The following MIPEP variants were observed in gnomAD, a reference collection of about 807,000 sequenced individuals.
The protein encoded by MIPEP is mitochondrial intermediate peptidase.
In MIPEP, 79 loss-of-function variants were observed where a neutral mutation model predicts 90.3. That is an observed-to-expected ratio of 0.87 (90% confidence interval 0.73 to 1.05). The LOEUF is 1.05. Ranked by LOEUF, MIPEP falls within the 50% of genes least tolerant of loss-of-function variation. The pLI is 0.00. For synonymous variants in MIPEP, 334 were observed against 315.8 expected, an observed-to-expected ratio of 1.06 and a Z score of -0.61; for missense variants, 940 against 905.6, an observed-to-expected ratio of 1.04 and a Z score of -0.49.
intron 18 of MIPEP, among the ~76,000 whole-genome samples, chr13:23,745,639 A>G (rs1379628289): frequency 1.3e-5 from 2 of 152,138 alleles, no homozygotes; most frequent in African/African-American, 4.8e-5. Flanking sequence ...TTAAGAATCT[A>G]GATCCAGACC....
chr13:23,811,021 C>T (rs556468630), intron 14 of MIPEP, among the ~76,000 whole-genome samples: 4 of 152,192 alleles, frequency 2.6e-5, no homozygotes, highest in Non-Finnish European at 5.9e-5. Context: ...AATTCTGGTA[C>T]AGGTCACAGG....
At chr13:23,742,736 A>C (rs1001451789) in intron 18 of MIPEP, among the ~76,000 whole-genome samples, 1 of 152,212 alleles carries the variant, frequency 6.6e-6, no homozygotes, top group African/African-American at 2.4e-5. Flanking sequence ...ACTTTTTGCC[A>C]TCTGCTTATT....
At chr13:23,837,519 C>T (rs1397978046) in intron 13 of MIPEP, 33 bp downstream of exon 13, 2 of 1,475,440 alleles carry the variant, frequency 1.4e-6, no homozygotes, top group Admixed American at 3.4e-5. Flanking sequence ...TTGTAAAGGA[C>T]TGTAGTAAAT....
chr13:23,826,823 C>A (rs576899272), intron 14 of MIPEP, among the ~76,000 whole-genome samples: 1 of 152,244 alleles, frequency 6.6e-6, no homozygotes, highest in African/African-American at 2.4e-5. Context: ...ACAAAGTTTG[C>A]ATTGGTTCTT....
chr13:23,815,430 C>T (rs866817837), intron 14 of MIPEP, among the ~76,000 whole-genome samples: 21 of 152,058 alleles, frequency 1.4e-4, no homozygotes, highest in African/African-American at 4.6e-4. Context: ...ATACCTCCCA[C>T]CTCAGCTTCC....
chr13:23,739,888 T>C (rs1193126255), intron 18 of MIPEP, among the ~76,000 whole-genome samples: 1 of 152,266 alleles, frequency 6.6e-6, no homozygotes, highest in Non-Finnish European at 1.5e-5. Flanking sequence ...ACATGATTTC[T>C]GTTCTGAGGA....
chr13:23,788,617 A>T (rs1593155033), intron 16 of MIPEP, among the ~76,000 whole-genome samples: 2 of 152,354 alleles, frequency 1.3e-5, no homozygotes, highest in South Asian at 4.1e-4. Flanking sequence ...CAATTCTACC[A>T]TGGGGCAGAG....
intron 2 of MIPEP, among the ~76,000 whole-genome samples, chr13:23,884,308 G>A (rs894607366): frequency 6.6e-6 from 1 of 152,118 alleles, no homozygotes; most frequent in Non-Finnish European, 1.5e-5. Flanking sequence ...AAATTTATAC[G>A]AGTTAAAATT....
At chr13:23,738,549 A>C (rs1400760714) in intron 18 of MIPEP, among the ~76,000 whole-genome samples, 1 of 151,138 alleles carries the variant, frequency 6.6e-6, no homozygotes. Context: ...TTCTGGGCTC[A>C]AGTGATCCTT....
chr13:23,783,724 CCTT>C (rs1952807055), intron 16 of MIPEP, among the ~76,000 whole-genome samples: 1 of 152,176 alleles, frequency 6.6e-6, no homozygotes, highest in African/African-American at 2.4e-5. Context: ...TCCAAAATCT[CCTT>C]AAGCTGATAA....
At chr13:23,826,311 C>T (rs1414822820) in intron 14 of MIPEP, among the ~76,000 whole-genome samples, 1 of 152,022 alleles carries the variant, frequency 6.6e-6, no homozygotes, top group Non-Finnish European at 1.5e-5. Flanking sequence ...CTAAACAATA[C>T]AATTAAAAGG....
chr13:23,799,106 C>T (rs1165725184), intron 16 of MIPEP, among the ~76,000 whole-genome samples: 2 of 136,106 alleles, frequency 1.5e-5, no homozygotes, highest in Non-Finnish European at 3.0e-5. Flanking sequence ...CAGGTTCAAA[C>T]GATTCTCCTG....
intron 17 of MIPEP, chr13:23,756,904 A>T (rs1952495814): frequency 2.6e-6 from 1 of 388,342 alleles, no homozygotes; most frequent in African/African-American, 2.1e-5. Context: ...TAACTTATGT[A>T]TTATACAATA....
intron 7 of MIPEP, among the ~76,000 whole-genome samples, chr13:23,868,289 C>A (rs1870628240): frequency 6.6e-6 from 1 of 152,046 alleles, no homozygotes; most frequent in South Asian, 2.1e-4. Context: ...GTGACACGAG[C>A]AAGGGAACCC....
intron 14 of MIPEP, among the ~76,000 whole-genome samples, chr13:23,817,323 A>T (rs1737417849): frequency 6.6e-6 from 1 of 152,182 alleles, no homozygotes. Flanking sequence ...AAACTTGTAA[A>T]GCTTTGGCAC....
At chr13:23,846,225 GAGA>G (rs1422088930) in intron 10 of MIPEP, among the ~76,000 whole-genome samples, 1 of 152,118 alleles carries the variant, frequency 6.6e-6, no homozygotes, top group African/African-American at 2.4e-5. Flanking sequence ...CACCAGAGAG[GAGA>G]AGAATAGAGA....
chr13:23,841,327 G>T lies in MIPEP; in HGVS notation c.1260+8C>A, dbSNP rs756825290. 1.1e-5 allele frequency: 17 copies of T among 1,605,954 alleles called. No homozygotes were observed. Among genetic ancestry groups the T allele is most frequent in the Non-Finnish European group, 1.4e-5 (17 of 1,177,296 alleles). ...CCTGCAACTGCAGGCTGAGCAGGAG[G>T]AGCTCACCAGTTTTCGGACATCTTC... On this transcript the variant is annotated splice_region_variant and intron_variant, in intron 11 of 18. Coordinates refer to ENST00000382172, the MANE Select transcript of MIPEP (RefSeq NM_005932.4).
At chr13:23,799,390 C>T (rs547050524) in intron 16 of MIPEP, among the ~76,000 whole-genome samples, 34 of 151,888 alleles carry the variant, frequency 2.2e-4, no homozygotes, top group African/African-American at 6.5e-4. Flanking sequence ...TGCAGTGGTG[C>T]GATGTGGGCT....
At chr13:23,747,611 T>C (rs771935023) in intron 18 of MIPEP, 3 of 476,368 alleles carry the variant, frequency 6.3e-6, no homozygotes, top group Non-Finnish European at 1.3e-5. Context: ...ATATATTTTT[T>C]TTCTTTTACA....
Sources: gnomAD v4.1 joint callset for allele counts (sites outside exome capture counted in the v4.1 genomes callset) on GRCh38, gnomAD v4.1.1 for gene constraint, MANE v1.5 for transcripts, NCBI Gene and HGNC (gene_info 2026-07-23, HGNC 2026-07-21) for gene names.